The following USP46 variants were observed in gnomAD, a reference collection of about 807,000 sequenced individuals.
USP46 encodes the protein ubiquitin specific peptidase 46.
USP46 carries 12 observed loss-of-function variants against 44.4 expected under a neutral mutation model. That is an observed-to-expected ratio of 0.27 (90% CI 0.17 to 0.44). The LOEUF (loss-of-function observed/expected upper bound fraction) is 0.44. USP46 is among the 20% of genes least tolerant of loss of function. The probability of loss-of-function intolerance (pLI) is 1.00; values close to 1 mark genes in which losing one functional copy is unlikely to be tolerated. For missense variants in USP46, 248 were observed against 444.8 expected (o/e 0.56, Z 3.98); for synonymous variants, 155 against 161.5 (o/e 0.96, Z 0.31).
intron 4 of USP46, among the ~76,000 whole-genome samples, chr4:52,614,144 G>GA (rs1717036205): frequency 1.3e-5 from 2 of 151,962 alleles, no homozygotes; most frequent in African/African-American, 4.8e-5. Flanking sequence ...GAGGACTAAA[G>GA]AAAAAAGATT....
In USP46 at chr4:52,594,238, A is replaced by C. The variant is rs545922858; in HGVS notation, c.*3402T>G. 2.4e-4 allele frequency: 37 copies of C among 152,342 alleles called. No homozygotes were observed. The highest frequency in any genetic ancestry group is 1.4e-3 in the Admixed American group (21 of 15,306). The allele number at this position is 152,342 out of a possible 1,614,324, so 9.4% of individuals were successfully genotyped here. A position where few individuals can be genotyped will look rare whatever the true frequency, so the allele number is the denominator to read the frequency against. On this transcript the variant is annotated 3_prime_UTR_variant, in exon 9 of 9. Transcript: ENST00000441222. ...TTAGAGGCAGGGTGTTAAACTGATT[A>C]AAATTTCACAAGATTGACATTATTG...
chr4:52,598,842 C>A, intron 7 of USP46, 136 bp from the exon 8 acceptor site: 1 of 742,696 alleles, frequency 1.3e-6, no homozygotes, highest in Non-Finnish European at 2.2e-6. Context: ...GCATATAGCT[C>A]ATGTCTATGT....
At chr4:52,645,097 C>A (rs1267286028) in intron 1 of USP46, among the ~76,000 whole-genome samples, 4 of 151,798 alleles carry the variant, frequency 2.6e-5, no homozygotes, top group Admixed American at 1.3e-4. Context: ...TGGTGGCATG[C>A]ACCTATAATC....
At chr4:52,656,497 T>C in intron 1 of USP46, 4 of 1,447,918 alleles carry the variant, frequency 2.8e-6, no homozygotes, top group Middle Eastern at 2.5e-4. Flanking sequence ...AGCCTTCCTA[T>C]ACATGGGAGG....
chr4:52,649,147 G>T (rs1370852580), intron 1 of USP46, among the ~76,000 whole-genome samples: 1 of 152,156 alleles, frequency 6.6e-6, no homozygotes, highest in Non-Finnish European at 1.5e-5. Context: ...TCCTCCCAAA[G>T]TGCCCCACTA....
At chr4:52,615,113 C>T (rs1717078971) in intron 4 of USP46, among the ~76,000 whole-genome samples, 1 of 151,644 alleles carries the variant, frequency 6.6e-6, no homozygotes, top group Non-Finnish European at 1.5e-5. Context: ...AGAAGAGGAA[C>T]AGAAGAACAA....
At chr4:52,653,128 A>G (rs1378515372) in intron 1 of USP46, among the ~76,000 whole-genome samples, 1 of 152,176 alleles carries the variant, frequency 6.6e-6, no homozygotes, top group Non-Finnish European at 1.5e-5. Flanking sequence ...GCATCCCTCA[A>G]ACTTCAAGCC....
intron 3 of USP46, 34 bp downstream of exon 3, chr4:52,627,916 G>C: frequency 6.3e-7 from 1 of 1,575,638 alleles, no homozygotes; most frequent in Non-Finnish European, 8.6e-7. Context: ...CCTTATTTCA[G>C]AGGCTTAAAT....
At chr4:52,648,466 G>A (rs1718634851) in intron 1 of USP46, among the ~76,000 whole-genome samples, 4 of 152,154 alleles carry the variant, frequency 2.6e-5, no homozygotes, top group African/African-American at 9.7e-5. Flanking sequence ...GGTCAAATTA[G>A]GGTGAACAGA....
chr4:52,598,539 A>C (rs1298438530), intron 8 of USP46, 89 bp downstream of exon 8: 2 of 1,285,824 alleles, frequency 1.6e-6, no homozygotes, highest in Non-Finnish European at 2.2e-6. Flanking sequence ...ATGGGGAAAC[A>C]GGCCTATTTT....
At chr4:52,626,427 A>G (rs1271659640) in intron 3 of USP46, among the ~76,000 whole-genome samples, 180 bp from the exon 4 acceptor site, 1 of 152,034 alleles carries the variant, frequency 6.6e-6, no homozygotes, top group East Asian at 1.9e-4. Flanking sequence ...GGTTCAAGCA[A>G]TTCTCCTGCC....
Position 52,595,730 on chromosome 4 carries a change from A to C in USP46, c.*1910T>G, listed in dbSNP as rs1193460460. The C allele has an allele frequency of 6.6e-6, 1 of 152,216 alleles. No homozygotes were observed. Among genetic ancestry groups the C allele is most frequent in the Non-Finnish European group, 1.5e-5 (1 of 68,044 alleles). 9.4% of individuals were successfully genotyped at this position (152,216 alleles called of 1,614,324 possible). A position where few individuals can be genotyped will look rare whatever the true frequency, so the allele number is the denominator to read the frequency against. ...ATTTTAATAACTTTTCTTATGAATCAGTTCCAAATATATTAGAGACCAACC... is the reference window on the plus strand; with the variant it reads ...ATTTTAATAACTTTTCTTATGAATCCGTTCCAAATATATTAGAGACCAACC... On this transcript the variant is annotated 3_prime_UTR_variant, in exon 9 of 9. Transcript: ENST00000441222.
chr4:52,633,573 C>T (rs1401890388), intron 1 of USP46, among the ~76,000 whole-genome samples: 2 of 152,116 alleles, frequency 1.3e-5, no homozygotes, highest in Admixed American at 6.5e-5. Flanking sequence ...CCCCCATAAC[C>T]ATTCTTCAAG....
chr4:52,632,969 AAAG>A (rs1220207620), intron 1 of USP46, among the ~76,000 whole-genome samples: 160 of 83,070 alleles, frequency 1.9e-3, no homozygotes, highest in African/African-American at 8.1e-3. Context: ...AGAAAGAAAG[AAAG>A]AAAGAAAGAA....
intron 3 of USP46, among the ~76,000 whole-genome samples, chr4:52,627,710 A>T (rs1407290989): frequency 6.6e-6 from 1 of 152,242 alleles, no homozygotes. Context: ...TGGAGCAAAT[A>T]AAATGGTCAT....
chr4:52,657,626 A>C (rs1203667140), intron 1 of USP46, among the ~76,000 whole-genome samples: 1 of 152,212 alleles, frequency 6.6e-6, no homozygotes, highest in African/African-American at 2.4e-5. Flanking sequence ...GAAACTGAGA[A>C]GGCATCACCT....
At chr4:52,656,763 G>A (rs80293421) in intron 1 of USP46, among the ~76,000 whole-genome samples, 2,600 of 151,878 alleles carry the variant, frequency 0.017, 72 homozygotes, top group African/African-American at 0.058. Context: ...AGGACCTGCC[G>A]GGTATGGTGG....
chr4:52,650,067 G>A (rs1387591580), intron 1 of USP46, among the ~76,000 whole-genome samples: 1 of 152,172 alleles, frequency 6.6e-6, no homozygotes, highest in African/African-American at 2.4e-5. Context: ...GCTGCAGATG[G>A]GCGCATCCTA....
intron 1 of USP46, among the ~76,000 whole-genome samples, chr4:52,648,863 C>T (rs1718652746): frequency 6.6e-6 from 1 of 152,200 alleles, no homozygotes; most frequent in Non-Finnish European, 1.5e-5. Flanking sequence ...GCTCAGATTA[C>T]ACCTACAGAT....
Sources: gnomAD v4.1 joint callset for allele counts (sites outside exome capture counted in the v4.1 genomes callset) on GRCh38, gnomAD v4.1.1 for gene constraint, MANE v1.5 for transcripts, NCBI Gene and HGNC (gene_info 2026-07-23, HGNC 2026-07-21) for gene names.